Variants in ABI3BP observed in about 807,000 individuals in gnomAD.
ABI3BP encodes the protein ABI family member 3 binding protein.
In ABI3BP, 216 loss-of-function variants were observed where a neutral mutation model predicts 268.6. The ratio of observed to expected loss-of-function variants is 0.80; its 90% CI spans 0.72 to 0.90. The LOEUF is 0.90. Among genes scored for constraint, ABI3BP ranks in the 40% least tolerant of loss-of-function variants. The pLI is 0.00. For missense variants in ABI3BP, 2,090 were observed against 2,182.4 expected (o/e 0.96, Z 0.84); for synonymous variants, 730 against 730.0 (o/e 1.00, Z 0.00).
chr3:100,761,776 G>A (rs1224027862), intron 63 of ABI3BP, among the ~76,000 whole-genome samples: 1 of 152,164 alleles, frequency 6.6e-6, no homozygotes, highest in Non-Finnish European at 1.5e-5. Context: ...GTAACGTGAA[G>A]CTCTACTCCA....
chr3:100,752,492 TCCCTGGA>T, intron 66 of ABI3BP: 1 of 271,654 alleles, frequency 3.7e-6, no homozygotes, highest in Middle Eastern at 1.1e-3. Context: ...GGTTTTTTTA[TCCCTGGA>T]TGGTTGTAAC....
intron 51 of ABI3BP, among the ~76,000 whole-genome samples, chr3:100,803,497 A>C (rs1578269232): frequency 2.1e-5 from 3 of 146,008 alleles, no homozygotes; most frequent in African/African-American, 7.3e-5. Flanking sequence ...GAAAAATAGT[A>C]GAATGAATTC....
chr3:100,923,132 T>G (rs1465079412), intron 2 of ABI3BP, among the ~76,000 whole-genome samples: 1 of 151,898 alleles, frequency 6.6e-6, no homozygotes, highest in Non-Finnish European at 1.5e-5. Flanking sequence ...GAGGTAAGAG[T>G]TTTAAAAATA....
At chr3:100,927,857 T>G (rs769047120) in intron 1 of ABI3BP, among the ~76,000 whole-genome samples, 2 of 152,026 alleles carry the variant, frequency 1.3e-5, no homozygotes, top group Non-Finnish European at 2.9e-5. Context: ...ACCTGGCCCA[T>G]AGTAATTGCT....
intron 2 of ABI3BP, among the ~76,000 whole-genome samples, chr3:100,906,558 G>A (rs2053532586): frequency 6.6e-6 from 1 of 152,140 alleles, no homozygotes; most frequent in Non-Finnish European, 1.5e-5. Context: ...GCCAATATAT[G>A]TTACTTCATT....
intron 2 of ABI3BP, among the ~76,000 whole-genome samples, chr3:100,919,852 A>G (rs1419784518): frequency 6.6e-6 from 1 of 152,196 alleles, no homozygotes; most frequent in Non-Finnish European, 1.5e-5. Context: ...GGGAGTCACC[A>G]TATTTTTCTT....
At chr3:100,906,496 C>T (rs2053511552) in intron 2 of ABI3BP, among the ~76,000 whole-genome samples, 1 of 152,102 alleles carries the variant, frequency 6.6e-6, no homozygotes, top group Non-Finnish European at 1.5e-5. Context: ...ACAATAAATT[C>T]TTTGTGGATT....
At chr3:100,838,345 T>C in intron 25 of ABI3BP, 57 bp downstream of exon 25, 1 of 1,526,592 alleles carries the variant, frequency 6.6e-7, no homozygotes. Flanking sequence ...TGGAGATTAA[T>C]GTTACTTACA....
At chr3:100,819,808 G>T (rs537000547) in intron 40 of ABI3BP, among the ~76,000 whole-genome samples, 1 of 152,024 alleles carries the variant, frequency 6.6e-6, no homozygotes. Flanking sequence ...AATTAGCTGG[G>T]TGTGGTGGCA....
chr3:100,885,313 T>C (rs920882851), intron 6 of ABI3BP, among the ~76,000 whole-genome samples: 2 of 152,072 alleles, frequency 1.3e-5, no homozygotes, highest in Admixed American at 6.6e-5. Flanking sequence ...ATAAGCTACA[T>C]TGAATCTTAG....
chr3:100,783,062 T>C (rs114711638), intron 57 of ABI3BP, among the ~76,000 whole-genome samples: 122 of 152,350 alleles, frequency 8.0e-4, no homozygotes, highest in African/African-American at 2.7e-3. Flanking sequence ...TGGGTATTTT[T>C]AACCATGGTA....
intron 1 of ABI3BP, among the ~76,000 whole-genome samples, chr3:100,944,389 T>C (rs1261263166): frequency 3.9e-5 from 6 of 152,120 alleles, no homozygotes; most frequent in Non-Finnish European, 5.9e-5. Flanking sequence ...TTAAATTCCA[T>C]TGGCCAAATA....
intron 22 of ABI3BP, among the ~76,000 whole-genome samples, chr3:100,840,616 G>T (rs2152919453): frequency 6.6e-6 from 1 of 152,246 alleles, no homozygotes; most frequent in African/African-American, 2.4e-5. Flanking sequence ...CACTAATTAT[G>T]TCAGGACAGG....
chr3:100,950,715 A>T (rs556475532), intron 1 of ABI3BP, among the ~76,000 whole-genome samples: 1 of 152,122 alleles, frequency 6.6e-6, no homozygotes, highest in East Asian at 1.9e-4. Flanking sequence ...TTAATATAAG[A>T]TTACAAATAT....
At chr3:100,800,245 T>C (rs1470630566) in intron 51 of ABI3BP, among the ~76,000 whole-genome samples, 1 of 151,900 alleles carries the variant, frequency 6.6e-6, no homozygotes, top group African/African-American at 2.4e-5. Flanking sequence ...ATATTCCATT[T>C]AAAAAAATCA....
chr3:100,898,956 G>A, intron 3 of ABI3BP, 62 bp from the exon 4 acceptor site: 2 of 1,496,620 alleles, frequency 1.3e-6, no homozygotes, highest in South Asian at 1.3e-5. Context: ...CATGATTCGG[G>A]TAAAATGCAT....
At position 100,838,268 on chromosome 3, in the gene ABI3BP, T is replaced by C; in HGVS notation, c.2025A>G (p.Lys675=). The stretch of plus-strand genomic sequence containing the variant: ...TGGTTTGGGGTTTAGGAAGTAATTG[T>C]TTTGGTGGTTTTGAACCTGAAGAAA... ...PQIQPGSKPP[K]QLLPKPQTTA... is the part of the protein sequence containing the mutation. Residue 675 remains lysine, a synonymous_variant, in exon 26 of 68, where the codon AAA becomes AAG. Transcript: ENST00000471714. The C allele has an allele frequency of 6.5e-7, 1 of 1,536,480 alleles. No individual in the cohort carries two copies.
intron 1 of ABI3BP, among the ~76,000 whole-genome samples, chr3:100,959,446 C>A (rs945014144): frequency 1.9e-4 from 27 of 140,432 alleles, no homozygotes; most frequent in African/African-American, 6.6e-4. Flanking sequence ...GCCGAGATCG[C>A]GCCACTGCAC....
chr3:100,749,409 T>C lies in ABI3BP; in HGVS notation c.*1086A>G, dbSNP rs963976819. 1.1e-5 allele frequency: 4 copies of C among 379,112 alleles called. No individual in the cohort carries two copies. Among genetic ancestry groups the C allele is most frequent in the South Asian group, 1.5e-4 (1 of 6,774 alleles). The allele number at this position is 379,112 out of a possible 1,614,324, so 23.5% of individuals were successfully genotyped here. ...AATACAAAATGTAGCGTTGATAAGA[T>C]TGAAGCATGTTGAAAGGTAAGTACA... On this transcript the variant is annotated 3_prime_UTR_variant, in exon 68 of 68. Transcript: ENST00000471714.
Sources: gnomAD v4.1 joint callset for allele counts (sites outside exome capture counted in the v4.1 genomes callset) on GRCh38, gnomAD v4.1.1 for gene constraint, MANE v1.5 for transcripts, NCBI Gene and HGNC (gene_info 2026-07-23, HGNC 2026-07-21) for gene names.